LUC7L2: variants seen among roughly 807,000 people sequenced by gnomAD.
LUC7L2 encodes the protein LUC7 like 2, pre-mRNA splicing factor.
A neutral mutation model predicts 52.8 loss-of-function variants in LUC7L2; 25 were observed. The ratio of observed to expected loss-of-function variants is 0.47; its 90% CI spans 0.34 to 0.66. LUC7L2 has a LOEUF of 0.66. LUC7L2 is among the 30% of genes least tolerant of loss of function. The probability of loss-of-function intolerance (pLI) is 0.01; values close to 1 mark genes in which losing one functional copy is unlikely to be tolerated. For missense variants in LUC7L2, 328 were observed against 497.8 expected (o/e 0.66, Z 3.25); for synonymous variants, 144 against 160.9 (o/e 0.89, Z 0.80).
chr7:139,368,174 AGATT>A (rs1800260271), intron 1 of LUC7L2, among the ~76,000 whole-genome samples: 1 of 152,216 alleles, frequency 6.6e-6, no homozygotes, highest in Non-Finnish European at 1.5e-5. Flanking sequence ...TTATAGCAAT[AGATT>A]GATACCCAGG....
Position 139,389,290 on chromosome 7 carries a change from G to A in LUC7L2, c.157-9309G>A, listed in dbSNP as rs1794328553. Among the ~76,000 whole-genome samples, 3 of 151,950 alleles carry A rather than the reference G, an allele frequency of 2.0e-5. No homozygotes were observed. In the South Asian group the frequency reaches 6.2e-4, roughly 32 times the overall value. On this transcript the variant is annotated intron_variant, in intron 2 of 9. Transcript: ENST00000354926. Reference sequence around the variant, plus strand: ...CTTCTTTGCCTACAGAATAAATTCTGCATTTTTTTTGACTCATTTTCAGAC... The same window carrying A: ...CTTCTTTGCCTACAGAATAAATTCTACATTTTTTTTGACTCATTTTCAGAC...
chr7:139,416,040 A>AATATATATATATATATATAT (rs66498771), intron 8 of LUC7L2: 1 of 97,846 alleles, frequency 1.0e-5, no homozygotes, highest in African/African-American at 2.7e-5. Flanking sequence ...TGAGGTATAA[A>AATATATATATATATATATAT]ATATATATAT....
intron 1 of LUC7L2, chr7:139,374,950 A>G (rs1489116569): frequency 3.0e-6 from 3 of 988,006 alleles, no homozygotes; most frequent in African/African-American, 1.7e-5. Context: ...CAGGCATATC[A>G]TGTGAAATAC....
chr7:139,386,316 A>G (rs1794189342), intron 2 of LUC7L2, among the ~76,000 whole-genome samples: 1 of 151,326 alleles, frequency 6.6e-6, no homozygotes, highest in African/African-American at 2.4e-5. Context: ...AATATTCTTT[A>G]TACAGGCGAT....
chr7:139,405,575 C>G (rs1585123175), intron 4 of LUC7L2, 69 bp from the exon 5 acceptor site: 4 of 1,490,802 alleles, frequency 2.7e-6, no homozygotes, highest in African/African-American at 1.4e-5. Context: ...CTCAGCAGTT[C>G]TGAAATACTT....
At chr7:139,402,061 G>A (rs537672568) in intron 3 of LUC7L2, 76 bp from the exon 4 acceptor site, 61 of 1,429,570 alleles carry the variant, frequency 4.3e-5, no homozygotes, top group Non-Finnish European at 5.3e-5. Context: ...AAAAAGCAAA[G>A]TGTGATTTTT....
At chr7:139,378,702 A>C (rs1270515577) in intron 2 of LUC7L2, among the ~76,000 whole-genome samples, 1 of 152,260 alleles carries the variant, frequency 6.6e-6, no homozygotes, top group Non-Finnish European at 1.5e-5. Flanking sequence ...CCCAAAAAGC[A>C]TTTGTTCTTT....
chr7:139,407,133 G>A (rs1367200876), intron 5 of LUC7L2, 41 bp from the exon 6 acceptor site: 1 of 1,518,828 alleles, frequency 6.6e-7, no homozygotes, highest in Non-Finnish European at 8.9e-7. Context: ...ATGACTTTTA[G>A]TGAGATTTAT....
chr7:139,353,306 T>C (rs997207368), intron 1 of LUC7L2, among the ~76,000 whole-genome samples: 1 of 152,326 alleles, frequency 6.6e-6, no homozygotes, highest in African/African-American at 2.4e-5. Flanking sequence ...ATTTAGTTCA[T>C]AAATTACAAT....
intron 1 of LUC7L2, chr7:139,340,593 G>C (rs1038649382): frequency 2.5e-6 from 1 of 397,522 alleles, no homozygotes. Flanking sequence ...CCTCACGTGG[G>C]CGCTAGGTGT....
chr7:139,398,784 T>G, intron 3 of LUC7L2, 87 bp downstream of exon 3: 1 of 1,259,046 alleles, frequency 7.9e-7, no homozygotes, highest in East Asian at 2.5e-5. Flanking sequence ...TAGGAAAAAC[T>G]CTTAGCAGTT....
rs956692386 is a variant in LUC7L2, at chr7:139,402,386, A to G, written c.366+139A>G. On this transcript the variant is annotated intron_variant, in intron 4 of 9. Coordinates refer to ENST00000354926, the MANE Select transcript of LUC7L2 (RefSeq NM_016019.5). ...TTCTGTATACTTTCTTGTCTGCCCC[A>G]GTGTAAACATCTTATACAATATAGT... 7.8e-6 allele frequency: 6 copies of G among 767,782 alleles called. No individual in the cohort carries two copies. The East Asian group carries it at 1.8e-4, about 23-fold the overall frequency. 47.6% of individuals were successfully genotyped at this position (767,782 alleles called of 1,614,324 possible).
chr7:139,402,622 G>T (rs1216692989), intron 4 of LUC7L2, among the ~76,000 whole-genome samples: 2 of 152,134 alleles, frequency 1.3e-5, no homozygotes, highest in African/African-American at 2.4e-5. Flanking sequence ...TGCCTTCTGG[G>T]CTCAAGTCTC....
upstream of LUC7L2, chr7:139,359,501 A>C: frequency 4.6e-6 from 1 of 218,616 alleles, no homozygotes; most frequent in Non-Finnish European, 8.9e-6. Flanking sequence ...CGCCCCGAGC[A>C]CGCCCACCTC....
intron 1 of LUC7L2, among the ~76,000 whole-genome samples, chr7:139,364,287 T>G (rs1168028086): frequency 6.6e-6 from 1 of 152,164 alleles, no homozygotes; most frequent in Non-Finnish European, 1.5e-5. Flanking sequence ...TAGAAGGTAG[T>G]TCTGAGGGTT....
intron 4 of LUC7L2, among the ~76,000 whole-genome samples, chr7:139,403,458 AT>A (rs1438759379): frequency 6.6e-6 from 1 of 152,210 alleles, no homozygotes; most frequent in Non-Finnish European, 1.5e-5. Context: ...TCAGATATGT[AT>A]ATACAAATGA....
chr7:139,360,510 G>T (rs1430984469), intron 1 of LUC7L2, among the ~76,000 whole-genome samples, 188 bp downstream of exon 1: 1 of 152,238 alleles, frequency 6.6e-6, no homozygotes, highest in Non-Finnish European at 1.5e-5. Context: ...CGGTGACCAT[G>T]CGGATTGGCG....
intron 2 of LUC7L2, among the ~76,000 whole-genome samples, chr7:139,394,408 T>G (rs1005603752): frequency 3.3e-5 from 5 of 152,220 alleles, no homozygotes; most frequent in Non-Finnish European, 7.3e-5. Context: ...AAAGTCCACC[T>G]CTACTATAGT....
At chr7:139,384,291 A>G (rs986302147) in intron 2 of LUC7L2, among the ~76,000 whole-genome samples, 2 of 152,028 alleles carry the variant, frequency 1.3e-5, no homozygotes, top group African/African-American at 2.4e-5. Context: ...AAATGTATAT[A>G]TATTTCATAT....
Sources: allele counts gnomAD v4.1 joint callset (sites outside exome capture counted in the v4.1 genomes callset), GRCh38; gene constraint gnomAD v4.1.1; transcripts MANE v1.5; gene names NCBI Gene and HGNC (gene_info 2026-07-23, HGNC 2026-07-21).